Variants in TAFA5 observed in about 807,000 individuals in gnomAD.
The protein encoded by TAFA5 is chemokine-like protein TAFA-5.
A neutral mutation model predicts 15.3 loss-of-function variants in TAFA5; 6 were observed. The observed-to-expected ratio is 0.39, with a 90% CI of 0.21 to 0.77. The LOEUF (loss-of-function observed/expected upper bound fraction) is 0.77, where lower values mean the gene tolerates loss of function less well. TAFA5 is among the 30% of genes least tolerant of loss of function. TAFA5 has a pLI of 0.41. For synonymous variants in TAFA5, 103 were observed against 80.7 expected (o/e 1.28, Z -1.48); for missense variants, 161 against 193.1 (o/e 0.83, Z 0.98).
intron 1 of TAFA5, among the ~76,000 whole-genome samples, chr22:48,575,365 G>C (rs1429277972): frequency 4.0e-5 from 6 of 149,810 alleles, no homozygotes; most frequent in Non-Finnish European, 8.9e-5. Context: ...GCGCATCCGC[G>C]GCTCCGCGGC....
At chr22:48,702,407 C>T (rs1928938138) in intron 2 of TAFA5, among the ~76,000 whole-genome samples, 1 of 152,054 alleles carries the variant, frequency 6.6e-6, no homozygotes, top group Non-Finnish European at 1.5e-5. Flanking sequence ...GACAAACCCA[C>T]TCTGAGACGC....
intron 1 of TAFA5, chr22:48,576,292 TC>T (rs994716407): frequency 6.0e-6 from 3 of 503,712 alleles, no homozygotes; most frequent in African/African-American, 2.3e-5. Context: ...CCCGCTCCCC[TC>T]CCCCCTGCCC....
At chr22:48,749,306 G>C (rs1392081202) in intron 3 of TAFA5, among the ~76,000 whole-genome samples, 1 of 152,186 alleles carries the variant, frequency 6.6e-6, no homozygotes, top group African/African-American at 2.4e-5. Context: ...GTGGTCATTT[G>C]ATTGGGCAGC....
chr22:48,730,825 G>A (rs1179216814), intron 3 of TAFA5, among the ~76,000 whole-genome samples: 1 of 152,064 alleles, frequency 6.6e-6, no homozygotes, highest in Non-Finnish European at 1.5e-5. Flanking sequence ...GGGCCTCCCT[G>A]TTCTCTGAAT....
chr22:48,576,745 C>A (rs1923824040), intron 1 of TAFA5, among the ~76,000 whole-genome samples: 1 of 151,442 alleles, frequency 6.6e-6, no homozygotes, highest in Non-Finnish European at 1.5e-5. Context: ...GGAGCCCGAC[C>A]CCCCGCGGAT....
At chr22:48,694,767 TCAGACCTCCTCCCCCACCCCCCACCGCTC>T (rs1173755664) in intron 2 of TAFA5, among the ~76,000 whole-genome samples, 79 of 146,964 alleles carry the variant, frequency 5.4e-4, no homozygotes, top group African/African-American at 1.9e-3. Flanking sequence ...TGCCCACCGC[TCAGACCTCCTCCCCCACCCCCCACCGCTC>T]CAGACCTCCG....
chr22:48,712,201 C>T (rs976393609), intron 3 of TAFA5, among the ~76,000 whole-genome samples: 84 of 152,222 alleles, frequency 5.5e-4, no homozygotes, highest in Admixed American at 6.5e-4. Context: ...GAATTACAGG[C>T]ACCCACCATC....
chr22:48,507,408 A>C (rs1414976313), intron 1 of TAFA5, among the ~76,000 whole-genome samples: 1 of 152,190 alleles, frequency 6.6e-6, no homozygotes, highest in Non-Finnish European at 1.5e-5. Context: ...GGCTCCTGTG[A>C]ACCCCCAACC....
chr22:48,610,650 C>A lies in TAFA5; in HGVS notation c.113-35947C>A, dbSNP rs76215326. On this transcript the variant is annotated intron_variant, in intron 1 of 3. Transcript: ENST00000402357. ...CGGGACCACCTGGAGGGCTTCGGGC[C>A]GTGTTGAGCTGTCAGCGTTGGGCCG... is the stretch of plus-strand genomic sequence containing the variant. Among the ~76,000 whole-genome samples, 69 of 152,114 alleles carry A rather than the reference C, an allele frequency of 4.5e-4. 1 individual carries two copies. The East Asian group carries it at 0.012, about 27-fold the overall frequency.
chr22:48,662,781 G>A (rs1601653114), intron 2 of TAFA5, among the ~76,000 whole-genome samples: 1 of 152,334 alleles, frequency 6.6e-6, no homozygotes, highest in South Asian at 2.1e-4. Context: ...TGAGGACACA[G>A]GGCCCTAGGC....
chr22:48,631,148 C>G (rs1228501443), intron 1 of TAFA5, among the ~76,000 whole-genome samples: 2 of 152,214 alleles, frequency 1.3e-5, no homozygotes, highest in East Asian at 3.9e-4. Context: ...GGTCAGGGGA[C>G]CGGGGCTGGG....
chr22:48,601,083 C>T (rs1410158664), intron 1 of TAFA5, among the ~76,000 whole-genome samples: 1 of 152,222 alleles, frequency 6.6e-6, no homozygotes, highest in African/African-American at 2.4e-5. Context: ...GTGTACACGG[C>T]TTTAACTACA....
At chr22:48,544,266 G>A (rs748188571) in intron 1 of TAFA5, 1 of 219,846 alleles carries the variant, frequency 4.5e-6, no homozygotes, top group South Asian at 8.1e-5. Flanking sequence ...GCAGAGTGGG[G>A]TCCAGGACCT....
intron 1 of TAFA5, among the ~76,000 whole-genome samples, chr22:48,615,266 A>G (rs1925557500): frequency 6.6e-6 from 1 of 152,212 alleles, no homozygotes; most frequent in Admixed American, 6.5e-5. Flanking sequence ...CCTTTGTGCC[A>G]GCAGAACTGA....
chr22:48,739,582 C>T (rs146187470), intron 3 of TAFA5, among the ~76,000 whole-genome samples: 96 of 152,238 alleles, frequency 6.3e-4, no homozygotes, highest in Middle Eastern at 3.4e-3. Context: ...GGTGAGTGGC[C>T]GGCACTGTAA....
At chr22:48,559,596 C>T (rs80250628) in intron 1 of TAFA5, among the ~76,000 whole-genome samples, 1,862 of 152,102 alleles carry the variant, frequency 0.012, 37 homozygotes, top group African/African-American at 0.043. Context: ...TCACTGCAGC[C>T]GTCACCGAGA....
At chr22:48,730,586 G>A (rs970803513) in intron 3 of TAFA5, among the ~76,000 whole-genome samples, 1 of 152,134 alleles carries the variant, frequency 6.6e-6, no homozygotes, top group South Asian at 2.1e-4. Flanking sequence ...TTTCAACAGC[G>A]TATGCTCACT....
intron 2 of TAFA5, among the ~76,000 whole-genome samples, chr22:48,685,076 C>A (rs1167315679): frequency 6.6e-6 from 1 of 152,138 alleles, no homozygotes; most frequent in Non-Finnish European, 1.5e-5. Context: ...TTAAGATGTA[C>A]GTTGGTTTGG....
intron 3 of TAFA5, among the ~76,000 whole-genome samples, chr22:48,749,606 C>G (rs1930423273): frequency 6.6e-6 from 1 of 152,194 alleles, no homozygotes; most frequent in South Asian, 2.1e-4. Flanking sequence ...GACAGCCCCT[C>G]CAGGTCGTGC....
Sources: allele counts gnomAD v4.1 joint callset (sites outside exome capture counted in the v4.1 genomes callset), GRCh38; gene constraint gnomAD v4.1.1; transcripts MANE v1.5; gene names NCBI Gene and HGNC (gene_info 2026-07-23, HGNC 2026-07-21).